The following GLYATL2 variants were observed in gnomAD, a reference collection of about 807,000 sequenced individuals.
GLYATL2 encodes glycine-N-acyltransferase like 2, also known as glycine N-acyltransferase-like protein 2.
In GLYATL2, 25 loss-of-function variants were observed where a neutral mutation model predicts 21.4. The ratio of observed to expected loss-of-function variants is 1.17; its 90% CI spans 0.85 to 1.63. GLYATL2 has a LOEUF of 1.63. GLYATL2 is among the 40% of genes most tolerant of loss of function. The pLI, the probability that GLYATL2 is intolerant of heterozygous loss-of-function variation, is 0.00. For synonymous variants in GLYATL2, 114 were observed against 118.2 expected (o/e 0.96, Z 0.23); for missense variants, 361 against 343.3 (o/e 1.05, Z -0.41).
intron 1 of GLYATL2, among the ~76,000 whole-genome samples, chr11:58,895,680 T>G (rs1429586906): frequency 1.3e-5 from 2 of 152,104 alleles, no homozygotes; most frequent in African/African-American, 2.4e-5. Context: ...TTCGGTAAGA[T>G]TTTTCTTTTA....
At chr11:58,904,854 A>G (rs1259544315), upstream of GLYATL2, among the ~76,000 whole-genome samples, 2 of 152,190 alleles carry the variant, frequency 1.3e-5, no homozygotes, top group African/African-American at 4.8e-5. Flanking sequence ...ATGAGTTACA[A>G]AATAATTTTC....
intron 1 of GLYATL2, among the ~76,000 whole-genome samples, chr11:58,886,929 A>G (rs915780904): frequency 6.6e-6 from 1 of 152,194 alleles, no homozygotes; most frequent in African/African-American, 2.4e-5. Context: ...GGGGATGGGA[A>G]CCAGGCTGAG....
At chr11:58,858,383 C>G (rs1371663703) in intron 1 of GLYATL2, among the ~76,000 whole-genome samples, 1 of 152,064 alleles carries the variant, frequency 6.6e-6, no homozygotes, top group Non-Finnish European at 1.5e-5. Flanking sequence ...AAATTTAACA[C>G]TTTTCTGTAA....
At chr11:58,885,651 T>C in intron 1 of GLYATL2, 1 of 286,054 alleles carries the variant, frequency 3.5e-6, no homozygotes, top group Non-Finnish European at 6.9e-6. Context: ...AACGTGAGTA[T>C]TTTAAAACAC....
chr11:58,893,710 C>G (rs1854586764), intron 1 of GLYATL2, among the ~76,000 whole-genome samples: 1 of 152,074 alleles, frequency 6.6e-6, no homozygotes, highest in South Asian at 2.1e-4. Context: ...AAGGGGTTAC[C>G]AGTAAACATG....
At chr11:58,905,299 G>T (rs1854836255), upstream of GLYATL2, 1 of 381,184 alleles carries the variant, frequency 2.6e-6, no homozygotes, top group African/African-American at 2.1e-5. Flanking sequence ...CGCAGACGCG[G>T]GTGCAGCCTG....
upstream of GLYATL2, among the ~76,000 whole-genome samples, chr11:58,849,617 AAAG>A (rs1348996059): frequency 1.3e-5 from 2 of 152,222 alleles, no homozygotes; most frequent in Non-Finnish European, 2.9e-5. Flanking sequence ...CCAAACATTT[AAAG>A]AAGAATATCA....
intron 1 of GLYATL2, among the ~76,000 whole-genome samples, chr11:58,842,604 TC>T (rs1018313276): frequency 3.3e-5 from 5 of 151,570 alleles, no homozygotes; most frequent in African/African-American, 9.7e-5. Context: ...AGTCACTTGC[TC>T]CCCTGAACTG....
At chr11:58,837,203 C>A (rs1486876892) in intron 4 of GLYATL2, 26 bp from the exon 5 acceptor site, 1 of 1,612,532 alleles carries the variant, frequency 6.2e-7, no homozygotes, top group Non-Finnish European at 8.5e-7. Flanking sequence ...AGACAAGTAC[C>A]ACTTTATGCC....
intron 1 of GLYATL2, among the ~76,000 whole-genome samples, chr11:58,856,338 C>CT (rs1158726460): frequency 3.9e-5 from 6 of 152,140 alleles, no homozygotes; most frequent in Non-Finnish European, 7.4e-5. Context: ...AGCACTAAAA[C>CT]TTGCTTCAAA....
intron 1 of GLYATL2, among the ~76,000 whole-genome samples, chr11:58,890,456 C>T (rs571562440): frequency 1.2e-4 from 19 of 152,174 alleles, no homozygotes; most frequent in African/African-American, 4.3e-4. Flanking sequence ...TAAAAAAATA[C>T]TTGGTACATA....
intron 1 of GLYATL2, among the ~76,000 whole-genome samples, chr11:58,885,209 T>C (rs1016462363): frequency 6.6e-6 from 1 of 152,250 alleles, no homozygotes; most frequent in Non-Finnish European, 1.5e-5. Flanking sequence ...GCCAAGCTAG[T>C]GCACAGTAGC....
intron 1 of GLYATL2, among the ~76,000 whole-genome samples, chr11:58,896,142 A>T (rs762932007): frequency 1.3e-5 from 2 of 152,120 alleles, no homozygotes; most frequent in African/African-American, 2.4e-5. Flanking sequence ...GGCATGAGCT[A>T]CCGCACCTGG....
Position 58,885,278 on chromosome 11 carries a change from G to A in GLYATL2, n.60+18878C>T, listed in dbSNP as rs148550853. On this transcript the variant is annotated intron_variant and non_coding_transcript_variant, in intron 1 of 4. Transcript: ENST00000533636. ...TCTGCCTGCTTGCTGGTAACTTCAC[G>A]TCCATCAGTATGGTCCTGGAGATGC... is the stretch of plus-strand genomic sequence containing the variant. Among the ~76,000 whole-genome samples the A allele has an allele frequency of 1.2e-3, 178 of 152,250 alleles. 4 individuals are homozygous for A. The East Asian group carries it at 0.03, about 26-fold the overall frequency.
Position 58,881,624 on chromosome 11 carries a change from C to T in GLYATL2, n.60+22532G>A, listed in dbSNP as rs1854336372. On this transcript the variant is annotated intron_variant and non_coding_transcript_variant, in intron 1 of 4. Transcript: ENST00000533636. Reference sequence around the variant, plus strand: ...TTATTATACTTTAAGTTGTAGGGAACATGTGCACAATGTGCAGGTTTGTTA... The same window carrying T: ...TTATTATACTTTAAGTTGTAGGGAATATGTGCACAATGTGCAGGTTTGTTA... 2.0e-5 allele frequency among the ~76,000 whole-genome samples: 3 copies of T among 152,034 alleles called. No individual in the cohort carries two copies. The South Asian group carries it at 6.2e-4, about 32-fold the overall frequency.
intron 1 of GLYATL2, among the ~76,000 whole-genome samples, chr11:58,859,584 G>A (rs1853895813): frequency 1.3e-5 from 2 of 151,962 alleles, no homozygotes; most frequent in African/African-American, 4.8e-5. Flanking sequence ...TCTTCCTGTC[G>A]ATTGTTTCCT....
At chr11:58,838,204 C>A (rs1049839850) in intron 3 of GLYATL2, 57 bp downstream of exon 3, 1 of 1,128,758 alleles carries the variant, frequency 8.9e-7, no homozygotes, top group East Asian at 2.4e-5. Flanking sequence ...CCCTCATTGC[C>A]ATGCAGAGAA....
upstream of GLYATL2, chr11:58,908,240 A>T (rs1237195847): frequency 6.6e-6 from 1 of 152,226 alleles, no homozygotes; most frequent in African/African-American, 2.4e-5. Flanking sequence ...TGCCTTGGAA[A>T]TGCCATACAG....
chr11:58,875,545 A>G (rs1055170318), intron 1 of GLYATL2, among the ~76,000 whole-genome samples: 2 of 152,134 alleles, frequency 1.3e-5, no homozygotes, highest in African/African-American at 4.8e-5. Flanking sequence ...TCCTTCACTT[A>G]TGAAGCTTAG....
Sources: allele counts gnomAD v4.1 joint callset (sites outside exome capture counted in the v4.1 genomes callset), GRCh38; gene constraint gnomAD v4.1.1; transcripts MANE v1.5; gene names NCBI Gene and HGNC (gene_info 2026-07-23, HGNC 2026-07-21).